CDH8: variants seen among roughly 807,000 people sequenced by gnomAD.
The protein encoded by CDH8 is cadherin-8.
A neutral mutation model predicts 68.1 loss-of-function variants in CDH8; 17 were observed. The observed-to-expected ratio is 0.25, with a 90% CI of 0.17 to 0.37. The LOEUF (loss-of-function observed/expected upper bound fraction) is 0.37, where lower values mean the gene tolerates loss of function less well. CDH8 is among the 10% of genes least tolerant of loss of function. The probability of loss-of-function intolerance (pLI) is 1.00; values close to 1 mark genes in which losing one functional copy is unlikely to be tolerated. For synonymous variants in CDH8, 372 were observed against 365.1 expected, an observed-to-expected ratio of 1.02 and a Z score of -0.21; for missense variants, 763 against 999.3, an observed-to-expected ratio of 0.76 and a Z score of 3.19.
intron 10 of CDH8, among the ~76,000 whole-genome samples, chr16:61,664,947 C>T (rs113555165): frequency 0.013 from 1,955 of 152,112 alleles, 44 homozygotes; most frequent in African/African-American, 0.044. Context: ...TTTCACACAA[C>T]ATTAATATAA....
chr16:61,868,564 C>G (rs1346781121), intron 3 of CDH8, among the ~76,000 whole-genome samples: 1 of 152,054 alleles, frequency 6.6e-6, no homozygotes, highest in Non-Finnish European at 1.5e-5. Context: ...CAAACGGAGG[C>G]TAGTATGATA....
intron 1 of CDH8, among the ~76,000 whole-genome samples, chr16:62,031,784 G>A (rs907478521): frequency 4.0e-5 from 6 of 151,800 alleles, no homozygotes; most frequent in African/African-American, 1.5e-4. Flanking sequence ...CTTAAAACTT[G>A]ATAAGAAAAA....
At chr16:61,810,871 A>G (rs1308745532) in intron 7 of CDH8, among the ~76,000 whole-genome samples, 1 of 151,996 alleles carries the variant, frequency 6.6e-6, no homozygotes, top group African/African-American at 2.4e-5. Context: ...AAAAATACAA[A>G]AAATTAGCCG....
intron 3 of CDH8, 129 bp downstream of exon 3, chr16:61,901,050 G>T: frequency 2.4e-6 from 2 of 850,544 alleles, no homozygotes; most frequent in Non-Finnish European, 1.8e-6. Context: ...CAAAAAGGGG[G>T]ATTTGGAAAT....
chr16:61,911,103 T>C (rs144722220), intron 2 of CDH8, among the ~76,000 whole-genome samples: 188 of 152,102 alleles, frequency 1.2e-3, no homozygotes, highest in African/African-American at 4.3e-3. Flanking sequence ...GAGTGAATAG[T>C]AATAGTGGGT....
intron 2 of CDH8, among the ~76,000 whole-genome samples, chr16:61,959,978 G>GTATATA (rs1230866201): frequency 1.9e-4 from 9 of 46,514 alleles, no homozygotes; most frequent in East Asian, 2.0e-3. Flanking sequence ...GTATGTGTGT[G>GTATATA]TGTGTGTATA....
Position 61,652,709 on chromosome 16 carries a change from A to G in CDH8, c.*899T>C. ...TTTTTCCCATATATCCCCTTAATCT[A>G]TAGATTACCGACCTTAATAAATAAA... On this transcript the variant is annotated 3_prime_UTR_variant, in exon 12 of 12. Transcript: ENST00000577390. 7.9e-7 allele frequency: 1 copy of G among 1,270,462 alleles called. No individual in the cohort carries two copies. Among genetic ancestry groups the G allele is most frequent in the Non-Finnish European group, 9.9e-7 (1 of 1,005,858 alleles). 78.7% of individuals were successfully genotyped at this position (1,270,462 alleles called of 1,614,324 possible).
chr16:61,972,889 A>G (rs750067188), intron 2 of CDH8, among the ~76,000 whole-genome samples: 13 of 152,208 alleles, frequency 8.5e-5, no homozygotes, highest in Non-Finnish European at 1.5e-4. Context: ...TAACCATTAC[A>G]TAGAGAAAAA....
chr16:61,717,959 T>C lies in CDH8; in HGVS notation c.1537-4001A>G, dbSNP rs924659431. Among the ~76,000 whole-genome samples, 8 of 151,398 alleles carry C rather than the reference T, an allele frequency of 5.3e-5. 1 individual carries two copies. Among genetic ancestry groups the C allele is most frequent in the Admixed American group, 3.3e-4 (5 of 15,134 alleles). ...ATATACATTCAAATTATATGAAGTA[T>C]ATATTACATATGTATATATACACAC... On this transcript the variant is annotated intron_variant, in intron 9 of 11. Coordinates refer to ENST00000577390, the MANE Select transcript of CDH8 (RefSeq NM_001796.5).
At chr16:61,801,883 T>G (rs1367202962) in intron 7 of CDH8, among the ~76,000 whole-genome samples, 1 of 151,006 alleles carries the variant, frequency 6.6e-6, no homozygotes, top group African/African-American at 2.4e-5. Context: ...GCAGCGAGGC[T>G]GGGGGAGGGG....
chr16:61,721,028 A>G (rs1255441237), intron 9 of CDH8, among the ~76,000 whole-genome samples: 1 of 150,616 alleles, frequency 6.6e-6, no homozygotes, highest in Non-Finnish European at 1.5e-5. Context: ...AAACTAACAG[A>G]GATTATGGCT....
At chr16:61,777,452 G>C (rs532675071) in intron 8 of CDH8, among the ~76,000 whole-genome samples, 1 of 152,198 alleles carries the variant, frequency 6.6e-6, no homozygotes, top group East Asian at 1.9e-4. Flanking sequence ...AGAGTGACAA[G>C]GGCAAGATGT....
rs35490198 is a variant in CDH8 at position 61,930,305 on chromosome 16, A to C, written c.253-28832T>G. Among the ~76,000 whole-genome samples the C allele has an allele frequency of 5.3e-4, 80 of 150,834 alleles. 1 individual carries two copies. The Middle Eastern group carries it at 0.024, about 46-fold the overall frequency. Reference sequence around the variant, plus strand: ...CACACACACACACACACACACACACACCCCTATGTATACGCAGGCATTTTT... The same window carrying C: ...CACACACACACACACACACACACACCCCCCTATGTATACGCAGGCATTTTT... On this transcript the variant is annotated intron_variant, in intron 2 of 11. Coordinates refer to ENST00000577390, the MANE Select transcript of CDH8 (RefSeq NM_001796.5).
chr16:61,880,890 TGAA>T (rs1203554933), intron 3 of CDH8, among the ~76,000 whole-genome samples: 1 of 152,168 alleles, frequency 6.6e-6, no homozygotes, highest in Non-Finnish European at 1.5e-5. Flanking sequence ...TTGCTGACTG[TGAA>T]GAAGGAAGTT....
intron 2 of CDH8, among the ~76,000 whole-genome samples, chr16:61,956,145 T>C (rs1964985018): frequency 1.3e-5 from 2 of 152,182 alleles, no homozygotes; most frequent in South Asian, 4.1e-4. Context: ...ACAAAGAGTA[T>C]CAACCCTGTA....
rs1963889778 is a variant in CDH8 at position 61,897,544 on chromosome 16, ATATTT to A, written c.547+3630_547+3634del. Among the ~76,000 whole-genome samples, 5 of 152,250 alleles carry A rather than the reference ATATTT, an allele frequency of 3.3e-5. 1 individual carries two copies. Among genetic ancestry groups the A allele is most frequent in the African/African-American group, 4.8e-5 (2 of 41,468 alleles). On this transcript the variant is annotated intron_variant, in intron 3 of 11. Transcript: ENST00000577390. ...TATTTCTGCAGTTTTCTTTCTTAAC[ATATTT>A]ATAAGACACATGACTTACATACACA...
At chr16:61,845,646 A>G (rs969173242) in intron 4 of CDH8, among the ~76,000 whole-genome samples, 1 of 152,112 alleles carries the variant, frequency 6.6e-6, no homozygotes, top group African/African-American at 2.4e-5. Flanking sequence ...AAAACTGCCT[A>G]GCTCATAATA....
chr16:61,647,557 A>G lies in CDH8; in HGVS notation c.*6051T>C, dbSNP rs978138888. On this transcript the variant is annotated 3_prime_UTR_variant, in exon 12 of 12. Coordinates refer to ENST00000577390, the MANE Select transcript of CDH8 (RefSeq NM_001796.5). ...ATCTTCCTCTTATTTGTGAGGGATC[A>G]TAGGATGGCCTGAAGTTCTTTGCAT... is the stretch of plus-strand genomic sequence containing the variant. 1.5e-5 allele frequency: 7 copies of G among 479,548 alleles called. No homozygotes were observed. The East Asian group carries it at 2.5e-4, about 17-fold the overall frequency. 29.7% of individuals were successfully genotyped at this position (479,548 alleles called of 1,614,324 possible).
chr16:61,881,124 G>T (rs1292130300), intron 3 of CDH8, among the ~76,000 whole-genome samples: 1 of 152,206 alleles, frequency 6.6e-6, no homozygotes, highest in African/African-American at 2.4e-5. Flanking sequence ...ATGAGAGGCT[G>T]AAGCAGAAGA....
Sources: allele counts gnomAD v4.1 joint callset (sites outside exome capture counted in the v4.1 genomes callset), GRCh38; gene constraint gnomAD v4.1.1; transcripts MANE v1.5; gene names NCBI Gene and HGNC (gene_info 2026-07-23, HGNC 2026-07-21).